The following CPED1 variants were observed in gnomAD, a reference collection of about 807,000 sequenced individuals.
The protein encoded by CPED1 is cadherin like and PC-esterase domain containing 1, also known as cadherin-like and PC-esterase domain-containing protein 1.
A neutral mutation model predicts 128.2 loss-of-function variants in CPED1; 114 were observed. The observed-to-expected ratio is 0.89, with a 90% CI of 0.76 to 1.04. The LOEUF (loss-of-function observed/expected upper bound fraction) is 1.04. Ranked by LOEUF, CPED1 falls within the 50% of genes least tolerant of loss-of-function variation. The pLI, the probability that CPED1 is intolerant of heterozygous loss-of-function variation, is 0.00. For missense variants in CPED1, 1,211 were observed against 1,207.1 expected (o/e 1.00, Z -0.05); for synonymous variants, 462 against 426.7 (o/e 1.08, Z -1.02).
chr7:121,282,008 C>T (rs976991596), intron 22 of CPED1, among the ~76,000 whole-genome samples: 1 of 152,100 alleles, frequency 6.6e-6, no homozygotes, highest in Non-Finnish European at 1.5e-5. Flanking sequence ...TAAAAATTGT[C>T]CTTTAACACT....
intron 16 of CPED1, among the ~76,000 whole-genome samples, chr7:121,142,531 G>T (rs1361535302): frequency 1.3e-5 from 2 of 151,970 alleles, no homozygotes; most frequent in Admixed American, 1.3e-4. Context: ...TGAAGAATAA[G>T]AGGAAAATTT....
chr7:121,204,026 G>A (rs1797464099), intron 16 of CPED1, among the ~76,000 whole-genome samples: 1 of 151,670 alleles, frequency 6.6e-6, no homozygotes, highest in South Asian at 2.1e-4. Flanking sequence ...AGGTGAGGAG[G>A]AGCTCAGAAA....
chr7:121,077,313 A>G (rs1173423384), intron 5 of CPED1, among the ~76,000 whole-genome samples: 1 of 152,186 alleles, frequency 6.6e-6, no homozygotes, highest in African/African-American at 2.4e-5. Context: ...ATGGAAGTCA[A>G]ATTTTAAAAA....
intron 7 of CPED1, among the ~76,000 whole-genome samples, chr7:121,116,064 G>A (rs1584522323): frequency 6.6e-6 from 1 of 152,178 alleles, no homozygotes; most frequent in South Asian, 2.1e-4. Context: ...TCTATTCACA[G>A]CCTTTTGTAT....
chr7:121,179,044 G>A lies in CPED1; in HGVS notation c.2055+36903G>A, dbSNP rs1194851927. Reference sequence around the variant, plus strand: ...AAAAACAAGGTCAGAGATATGGGAGGAGAACAAAGCTGTACCGTGTTTTGG... The same window carrying A: ...AAAAACAAGGTCAGAGATATGGGAGAAGAACAAAGCTGTACCGTGTTTTGG... On this transcript the variant is annotated intron_variant, in intron 16 of 22. Transcript: ENST00000310396. Among the ~76,000 whole-genome samples, 3 of 152,052 alleles carry A rather than the reference G, an allele frequency of 2.0e-5. No homozygotes were observed. In the East Asian group the frequency reaches 5.8e-4, roughly 29 times the overall value.
chr7:121,291,731 T>A (rs997159164), intron 22 of CPED1, among the ~76,000 whole-genome samples: 3 of 152,188 alleles, frequency 2.0e-5, no homozygotes, highest in Non-Finnish European at 2.9e-5. Context: ...AAAGATACAC[T>A]CATGTCATCA....
intron 16 of CPED1, among the ~76,000 whole-genome samples, chr7:121,211,806 AAG>A (rs1407820786): frequency 1.3e-5 from 2 of 152,082 alleles, no homozygotes; most frequent in Non-Finnish European, 2.9e-5. Flanking sequence ...CCTTGAATAA[AAG>A]AGTCATTTTA....
chr7:121,288,974 A>G (rs1792638035), intron 22 of CPED1, among the ~76,000 whole-genome samples: 2 of 152,216 alleles, frequency 1.3e-5, no homozygotes, highest in African/African-American at 4.8e-5. Context: ...AAAACTGACA[A>G]AACTTTCAGG....
intron 5 of CPED1, among the ~76,000 whole-genome samples, chr7:121,085,287 C>T (rs1015010196): frequency 2.6e-5 from 4 of 151,906 alleles, no homozygotes; most frequent in African/African-American, 9.7e-5. Context: ...GCTGCTGAAA[C>T]AAACTGCTGG....
chr7:121,129,739 CG>C (rs971390703), intron 11 of CPED1, among the ~76,000 whole-genome samples: 8 of 151,568 alleles, frequency 5.3e-5, no homozygotes, highest in Admixed American at 1.3e-4. Context: ...TTTTTATTTG[CG>C]GGGGAAAGAG....
intron 4 of CPED1, chr7:121,051,024 A>G: frequency 1.8e-6 from 1 of 540,714 alleles, no homozygotes; most frequent in South Asian, 1.5e-5. Context: ...AAAAGGCAGC[A>G]GCGAAGGATA....
intron 22 of CPED1, among the ~76,000 whole-genome samples, chr7:121,274,036 A>G (rs149281990): frequency 3.1e-4 from 47 of 152,264 alleles, no homozygotes; most frequent in Admixed American, 7.2e-4. Context: ...TTGTTTATTT[A>G]TTTATTTGTA....
At chr7:121,135,688 T>A in intron 13 of CPED1, among the ~76,000 whole-genome samples, 1 of 152,068 alleles carries the variant, frequency 6.6e-6, no homozygotes, top group African/African-American at 2.4e-5. Flanking sequence ...ATAGAGTAAA[T>A]ATTACTGGAA....
intron 16 of CPED1, among the ~76,000 whole-genome samples, chr7:121,181,366 T>C (rs1482132492): frequency 6.6e-6 from 1 of 152,084 alleles, no homozygotes; most frequent in Non-Finnish European, 1.5e-5. Flanking sequence ...AGCTAAAATT[T>C]TGAAATATTT....
At chr7:121,289,183 A>G (rs1256369297) in intron 22 of CPED1, among the ~76,000 whole-genome samples, 4 of 152,178 alleles carry the variant, frequency 2.6e-5, no homozygotes, top group Middle Eastern at 3.2e-3. Flanking sequence ...GGATTTCTTA[A>G]GAGTTACCTG....
chr7:120,989,921 T>C, intron 2 of CPED1, 51 bp downstream of exon 2: 2 of 1,603,886 alleles, frequency 1.2e-6, no homozygotes, highest in African/African-American at 1.3e-5. Flanking sequence ...GACAGCAATC[T>C]GCTTCTCTGT....
intron 18 of CPED1, among the ~76,000 whole-genome samples, chr7:121,249,701 G>T (rs932494738): frequency 6.6e-6 from 1 of 152,022 alleles, no homozygotes; most frequent in Non-Finnish European, 1.5e-5. Context: ...GGAATTAAAA[G>T]ATCAGCACCT....
intron 16 of CPED1, among the ~76,000 whole-genome samples, chr7:121,225,887 T>A (rs1244883762): frequency 6.6e-5 from 10 of 152,122 alleles, no homozygotes; most frequent in Non-Finnish European, 1.3e-4. Context: ...TCTAACCTTT[T>A]TTCAAGGTTT....
At chr7:121,116,673 A>C (rs1795240961) in intron 7 of CPED1, among the ~76,000 whole-genome samples, 1 of 152,162 alleles carries the variant, frequency 6.6e-6, no homozygotes, top group South Asian at 2.1e-4. Flanking sequence ...ATATGATCAA[A>C]AACACAAAGG....
Sources: allele counts gnomAD v4.1 joint callset (sites outside exome capture counted in the v4.1 genomes callset), GRCh38; gene constraint gnomAD v4.1.1; transcripts MANE v1.5; gene names NCBI Gene and HGNC (gene_info 2026-07-23, HGNC 2026-07-21).